CDH3: variants seen among roughly 807,000 people sequenced by gnomAD.
CDH3 encodes cadherin 3.
CDH3 carries 54 observed loss-of-function variants against 82.0 expected under a neutral mutation model. That is an observed-to-expected ratio of 0.66 (90% confidence interval 0.53 to 0.83). CDH3 has a LOEUF of 0.83. CDH3 is among the 40% of genes least tolerant of loss of function. The pLI is 0.00. For synonymous variants in CDH3, 446 were observed against 437.9 expected (o/e 1.02, Z -0.23); for missense variants, 1,054 against 1,084.6 (o/e 0.97, Z 0.40).
Position 68,695,779 on chromosome 16 carries a change from C to G in CDH3, c.2136C>G (p.Asp712Glu). The change falls in exon 15 of 16, where the codon GAC becomes GAG. Residue 712 changes from aspartate to glutamate, a missense_variant and splice_region_variant. Physicochemically the swap from Asp to Glu is conservative, Grantham distance 45. Coordinates refer to ENST00000264012, the MANE Select transcript of CDH3 (RefSeq NM_001793.6). ...TGCTCTCCTGCATTTCCCCACAGGA[C>G]TATGACATCACCCAGCTCCACCGAG... ...GEEGGGEEDQ[D>E]YDITQLHRGL... 6.2e-7 allele frequency: 1 copy of G among 1,614,060 alleles called. No homozygotes were observed. The highest frequency in any genetic ancestry group is 8.5e-7 in the Non-Finnish European group (1 of 1,180,000).
chr16:68,728,455 C>T (rs541609394), downstream of CDH3, among the ~76,000 whole-genome samples: 7 of 152,094 alleles, frequency 4.6e-5, no homozygotes, highest in Admixed American at 2.0e-4. Flanking sequence ...CGTGAGCCAC[C>T]GCGCCTGGCC....
intron 2 of CDH3, chr16:68,646,198 G>A (rs999571221): frequency 1.7e-5 from 3 of 181,706 alleles, no homozygotes; most frequent in African/African-American, 7.2e-5. Flanking sequence ...GACAGACCGG[G>A]TCTGTTTCTT....
In CDH3 at chr16:68,662,193, A is replaced by G. The variant is rs538708008; in HGVS notation, c.161-14192A>G. 3.2e-4 allele frequency among the ~76,000 whole-genome samples: 49 copies of G among 152,310 alleles called. No homozygotes were observed. In the South Asian group the frequency reaches 9.9e-3, roughly 31 times the overall value. On this transcript the variant is annotated intron_variant, in intron 2 of 15. Coordinates refer to ENST00000264012, the MANE Select transcript of CDH3 (RefSeq NM_001793.6). Reference sequence around the variant, plus strand: ...AATCGGGATGGGAATGCAAGGAGACACTGTTCCAGACAGAGGGAGTAGTGT... The same window carrying G: ...AATCGGGATGGGAATGCAAGGAGACGCTGTTCCAGACAGAGGGAGTAGTGT...
At position 68,695,871 on chromosome 16, in the gene CDH3, T is replaced by G. The variant is rs749844279; in HGVS notation, c.2228T>G (p.Met743Arg). Residue 743 changes from methionine (M) to arginine (R), a missense_variant, in exon 15 of 16, where the codon ATG (methionine) becomes AGG (arginine). Met to Arg is a moderately conservative substitution (Grantham distance 91). Transcript: ENST00000264012. ...DVAPTIIPTP[M>R]YRPRPANPDE... ...GCACCAACCATCATCCCGACACCCA[T>G]GTACCGTCCTCGGCCAGCCAACCCA... 6.2e-7 allele frequency: 1 copy of G among 1,614,134 alleles called. No homozygotes were observed. The highest frequency in any genetic ancestry group is 8.5e-7 in the Non-Finnish European group (1 of 1,180,014).
intron 2 of CDH3, among the ~76,000 whole-genome samples, chr16:68,726,076 G>T (rs1962216142): frequency 6.6e-6 from 1 of 152,024 alleles, no homozygotes; most frequent in Non-Finnish European, 1.5e-5. Context: ...AAAAAGAAGG[G>T]CAGAATTCAG....
In CDH3 at chr16:68,695,311, C is replaced by A. The variant is rs779901925; in HGVS notation, c.2059C>A (p.Leu687Ile). 2 of 1,613,966 alleles carry A rather than the reference C, an allele frequency of 1.2e-6. No individual in the cohort carries two copies. Among genetic ancestry groups the A allele is most frequent in the Non-Finnish European group, 1.7e-6 (2 of 1,180,026 alleles). The part of the protein sequence containing the change: ...VRKKRKIKEP[L>I]LLPEDDTRDN... Reference sequence around the variant, plus strand: ...AAAGAAGCGGAAGATCAAGGAGCCCCTCCTACTCCCAGAAGATGACACCCG... The same window carrying A: ...AAAGAAGCGGAAGATCAAGGAGCCCATCCTACTCCCAGAAGATGACACCCG... Residue 687 changes from leucine (L) to isoleucine (I), a missense_variant, in exon 14 of 16, where the codon CTC (leucine) becomes ATC (isoleucine). Coordinates refer to ENST00000264012, the MANE Select transcript of CDH3 (RefSeq NM_001793.6).
chr16:68,661,971 GT>G (rs1333838984), intron 2 of CDH3, among the ~76,000 whole-genome samples: 16 of 152,222 alleles, frequency 1.1e-4, no homozygotes, highest in Non-Finnish European at 2.4e-4. Context: ...GATTACAGGC[GT>G]GAGCCACGGC....
rs529348705 is a variant in CDH3 at position 68,682,236 on chromosome 16, T to G, written c.997-66T>G. ...GGATCCCCTGAGGTTGGATGGAGGC[T>G]TCTCAGCCTCTGGAGTAGGACAGTC... On this transcript the variant is annotated intron_variant, in intron 8 of 15. Coordinates refer to ENST00000264012, the MANE Select transcript of CDH3 (RefSeq NM_001793.6). 6.3e-5 allele frequency: 97 copies of G among 1,545,608 alleles called. 1 individual carries two copies. The African/African-American group carries it at 1.0e-3, about 16-fold the overall frequency.
At chr16:68,717,151 C>G (rs1469925177) in intron 1 of CDH3, among the ~76,000 whole-genome samples, 2 of 152,110 alleles carry the variant, frequency 1.3e-5, no homozygotes, top group Non-Finnish European at 2.9e-5. Flanking sequence ...TTTTGCTTAT[C>G]TGCATTTAAA....
At chr16:68,659,101 G>C (rs1385895211) in intron 2 of CDH3, among the ~76,000 whole-genome samples, 1 of 152,154 alleles carries the variant, frequency 6.6e-6, no homozygotes, top group Non-Finnish European at 1.5e-5. Context: ...CATCCCTTGA[G>C]GGAGGTACTA....
intron 10 of CDH3, 68 bp downstream of exon 10, chr16:68,684,892 A>G (rs1961361963): frequency 6.3e-7 from 1 of 1,582,442 alleles, no homozygotes; most frequent in Non-Finnish European, 8.7e-7. Context: ...ATCATGGCCA[A>G]CGTTTGTTCT....
chr16:68,678,049 A>G, intron 3 of CDH3, 85 bp from the exon 4 acceptor site: 1 of 1,302,520 alleles, frequency 7.7e-7, no homozygotes, highest in Non-Finnish European at 1.1e-6. Context: ...ATGCCCAGCC[A>G]CCCTTTTAAC....
chr16:68,683,755 G>A (rs899381780), intron 9 of CDH3, among the ~76,000 whole-genome samples: 1 of 146,016 alleles, frequency 6.8e-6, no homozygotes, highest in Non-Finnish European at 1.5e-5. Context: ...GAGAAATCCC[G>A]TCTACGCTAA....
At chr16:68,726,115 G>C (rs1962216558) in intron 2 of CDH3, among the ~76,000 whole-genome samples, 1 of 152,196 alleles carries the variant, frequency 6.6e-6, no homozygotes, top group South Asian at 2.1e-4. Flanking sequence ...TGAAGTCTAT[G>C]CTGGGAACCA....
chr16:68,655,120 T>C (rs1447269628), intron 2 of CDH3, among the ~76,000 whole-genome samples: 1 of 152,118 alleles, frequency 6.6e-6, no homozygotes, highest in African/African-American at 2.4e-5. Context: ...CAAGCAATCG[T>C]CTTGCCTCAC....
At chr16:68,682,570 C>T (rs941744038) in intron 9 of CDH3, 83 bp downstream of exon 9, 40 of 1,323,028 alleles carry the variant, frequency 3.0e-5, no homozygotes, top group Non-Finnish European at 2.9e-5. Context: ...CACTGTCTAC[C>T]GTGGGCTAGT....
At position 68,681,065 on chromosome 16, in the gene CDH3, A is replaced by G. The variant is rs121434543; in HGVS notation, c.965A>G (p.Asn322Ser). 4 of 1,613,932 alleles carry G rather than the reference A, an allele frequency of 2.5e-6. No homozygotes were observed. Among genetic ancestry groups the G allele is most frequent in the East Asian group, 4.5e-5 (2 of 44,882 alleles). The change falls in exon 8 of 16, where the codon AAT becomes AGT. Residue 322 changes from asparagine (N) to serine (S), a missense_variant. By Grantham distance (46) the Asn-to-Ser change is conservative. Transcript: ENST00000264012. ...AVAVVEILDA[N>S]DNAPMFDPQK... is the part of the protein sequence containing the mutation. ...GCAGTAGTGGAGATCCTTGATGCCA[A>G]TGACAATGCTCCCATGTTTGACCCC...
intron 2 of CDH3, among the ~76,000 whole-genome samples, chr16:68,724,790 G>A (rs572440093): frequency 1.3e-5 from 2 of 152,106 alleles, no homozygotes; most frequent in Admixed American, 6.6e-5. Flanking sequence ...AGGATTCAAC[G>A]GGCATACACT....
chr16:68,690,888 C>T (rs1961549763), intron 12 of CDH3, among the ~76,000 whole-genome samples: 1 of 151,834 alleles, frequency 6.6e-6, no homozygotes, highest in Non-Finnish European at 1.5e-5. Context: ...GTCTGGGTGA[C>T]AGAGCAAGAC....
Sources: gnomAD v4.1 joint callset for allele counts (sites outside exome capture counted in the v4.1 genomes callset) on GRCh38, gnomAD v4.1.1 for gene constraint, MANE v1.5 for transcripts, NCBI Gene and HGNC (gene_info 2026-07-23, HGNC 2026-07-21) for gene names.